The following MAP3K20 variants were observed in gnomAD, a reference collection of about 807,000 sequenced individuals.
MAP3K20 encodes the protein HCCS-4.
MAP3K20 carries 40 observed loss-of-function variants against 85.7 expected under a neutral mutation model. The ratio of observed to expected loss-of-function variants is 0.47; its 90% confidence interval spans 0.36 to 0.61. The LOEUF (loss-of-function observed/expected upper bound fraction) is 0.61. Ranked by LOEUF, MAP3K20 falls within the 20% of genes least tolerant of loss-of-function variation. The pLI is 0.00. For synonymous variants in MAP3K20, 325 were observed against 327.7 expected, an observed-to-expected ratio of 0.99 and a Z score of 0.09; for missense variants, 817 against 961.7, an observed-to-expected ratio of 0.85 and a Z score of 1.99.
intron 10 of MAP3K20, chr2:173,214,417 C>G (rs768361227): frequency 3.9e-5 from 6 of 152,174 alleles, no homozygotes; most frequent in Non-Finnish European, 8.8e-5. Context: ...GATGAGCGTT[C>G]CGATCTGTGT....
chr2:173,191,321 C>A, intron 7 of MAP3K20, 144 bp downstream of exon 7: 1 of 1,159,288 alleles, frequency 8.6e-7, no homozygotes, highest in Non-Finnish European at 1.2e-6. Flanking sequence ...CATTGGAGAA[C>A]GCTTCCTAGT....
intron 11 of MAP3K20, among the ~76,000 whole-genome samples, chr2:173,227,731 C>T (rs866635165): frequency 6.6e-6 from 1 of 152,210 alleles, no homozygotes; most frequent in Non-Finnish European, 1.5e-5. Flanking sequence ...TTGTTTAGTA[C>T]AACATTTAGG....
chr2:173,261,370 G>T (rs1685288362), intron 18 of MAP3K20, among the ~76,000 whole-genome samples: 1 of 152,206 alleles, frequency 6.6e-6, no homozygotes, highest in African/African-American at 2.4e-5. Context: ...TAGTACTTCA[G>T]TCATTCATTA....
intron 2 of MAP3K20, among the ~76,000 whole-genome samples, chr2:173,124,137 C>T (rs757043132): frequency 6.6e-6 from 1 of 152,172 alleles, no homozygotes; most frequent in Non-Finnish European, 1.5e-5. Context: ...TTGGTGCTGT[C>T]CTCCAGTCAA....
Position 173,259,836 on chromosome 2 carries a change from T to G in MAP3K20, c.1476+1021T>G, listed in dbSNP as rs116665619. Among the ~76,000 whole-genome samples, 1,055 of 152,330 alleles carry G rather than the reference T, an allele frequency of 6.9e-3. 13 individuals are homozygous for G. Among genetic ancestry groups the G allele is most frequent in the Non-Finnish European group, 8.8e-3 (601 of 68,038 alleles). ...TTTCTTATTTTGTCAGGACACAGTA[T>G]GTTGTCTTGAAGACTGGAAAGATAT... On this transcript the variant is annotated intron_variant, in intron 17 of 19. Coordinates refer to ENST00000375213, the MANE Select transcript of MAP3K20 (RefSeq NM_016653.3).
chr2:173,134,022 A>C (rs965900767), intron 2 of MAP3K20, among the ~76,000 whole-genome samples: 2 of 150,860 alleles, frequency 1.3e-5, no homozygotes, highest in Non-Finnish European at 3.0e-5. Flanking sequence ...AAAAACATTC[A>C]TGCCTGATGT....
At chr2:173,239,286 C>T (rs1313018161) in intron 15 of MAP3K20, 118 bp from the exon 16 acceptor site, 16 of 770,288 alleles carry the variant, frequency 2.1e-5, no homozygotes, top group Non-Finnish European at 2.6e-5. Context: ...TCCAAAATAA[C>T]CAAAAGTTAA....
intron 2 of MAP3K20, among the ~76,000 whole-genome samples, chr2:173,110,004 G>T (rs913795530): frequency 1.3e-5 from 2 of 151,480 alleles, no homozygotes; most frequent in African/African-American, 4.8e-5. Flanking sequence ...AGGCAACCTA[G>T]TTGGGGGATG....
intron 2 of MAP3K20, among the ~76,000 whole-genome samples, chr2:173,159,487 G>A (rs1689584452): frequency 6.7e-6 from 1 of 150,286 alleles, no homozygotes; most frequent in African/African-American, 2.4e-5. Context: ...CCTCCTAGGT[G>A]CAAGTGATCC....
At chr2:173,130,604 G>T (rs1330083706) in intron 2 of MAP3K20, among the ~76,000 whole-genome samples, 1 of 141,334 alleles carries the variant, frequency 7.1e-6, no homozygotes, top group East Asian at 2.0e-4. Context: ...GTTCACTAAA[G>T]TGCAGAATTA....
intron 12 of MAP3K20, among the ~76,000 whole-genome samples, 189 bp downstream of exon 12, chr2:173,229,922 C>G (rs780269130): frequency 1.4e-4 from 22 of 152,162 alleles, no homozygotes; most frequent in Non-Finnish European, 2.9e-4. Flanking sequence ...CCTCCACCTC[C>G]TGAGGTTCAA....
At chr2:173,102,351 TTGAA>T (rs1409894058) in intron 2 of MAP3K20, among the ~76,000 whole-genome samples, 5 of 152,194 alleles carry the variant, frequency 3.3e-5, no homozygotes, top group Admixed American at 3.3e-4. Flanking sequence ...TACTTTGTCT[TTGAA>T]TGAAGGGTTC....
chr2:173,166,918 T>TG (rs1243951013), intron 2 of MAP3K20: 1 of 147,598 alleles, frequency 6.8e-6, no homozygotes, highest in African/African-American at 2.5e-5. Flanking sequence ...CTGTTTTTTT[T>TG]TTTTTTTTTT....
At chr2:173,185,914 A>C (rs144820480) in intron 4 of MAP3K20, among the ~76,000 whole-genome samples, 18 of 152,314 alleles carry the variant, frequency 1.2e-4, no homozygotes, top group Middle Eastern at 3.4e-3. Context: ...TTCTTTTTTT[A>C]AGGAAACCCT....
intron 17 of MAP3K20, 37 bp from the exon 18 acceptor site, chr2:173,261,026 G>A (rs766594570): frequency 1.4e-5 from 22 of 1,597,652 alleles, no homozygotes; most frequent in Admixed American, 1.0e-4. Flanking sequence ...AGCAGACTGT[G>A]TTATGGTACT....
chr2:173,195,346 C>T (rs1447771816), intron 7 of MAP3K20, among the ~76,000 whole-genome samples: 1 of 152,116 alleles, frequency 6.6e-6, no homozygotes, highest in Non-Finnish European at 1.5e-5. Flanking sequence ...ACAAGCTGGG[C>T]TCAGGTAATG....
At chr2:173,140,238 A>G (rs1385472018) in intron 2 of MAP3K20, among the ~76,000 whole-genome samples, 2 of 152,016 alleles carry the variant, frequency 1.3e-5, no homozygotes, top group African/African-American at 4.8e-5. Flanking sequence ...TCTCAAACTC[A>G]TGACCTCGTG....
intron 1 of MAP3K20, among the ~76,000 whole-genome samples, chr2:173,078,458 C>T (rs1404703060): frequency 1.3e-5 from 2 of 152,160 alleles, no homozygotes; most frequent in African/African-American, 4.8e-5. Context: ...ATTAACTTTG[C>T]CCCACTAGAC....
chr2:173,175,628 A>C (rs1456797652), intron 3 of MAP3K20, among the ~76,000 whole-genome samples: 2 of 152,206 alleles, frequency 1.3e-5, no homozygotes, highest in Non-Finnish European at 2.9e-5. Flanking sequence ...TAACCAAAAC[A>C]AGAAAAAAAT....
Sources: gnomAD v4.1 joint callset for allele counts (sites outside exome capture counted in the v4.1 genomes callset) on GRCh38, gnomAD v4.1.1 for gene constraint, MANE v1.5 for transcripts, NCBI Gene and HGNC (gene_info 2026-07-23, HGNC 2026-07-21) for gene names.